The following STS variants were observed in gnomAD, a reference collection of about 807,000 sequenced individuals.
STS encodes steroid sulfatase.
STS carries 7 observed loss-of-function variants against 26.8 expected under a neutral mutation model. That is an observed-to-expected ratio of 0.26 (90% CI 0.15 to 0.49). The LOEUF (loss-of-function observed/expected upper bound fraction) is 0.49. Among genes scored for constraint, STS ranks in the 20% least tolerant of loss-of-function variants. The pLI, the probability that STS is intolerant of heterozygous loss-of-function variation, is 0.98. For synonymous variants in STS, 199 were observed against 189.4 expected (o/e 1.05, Z -0.42); for missense variants, 434 against 465.6 (o/e 0.93, Z 0.63).
chrX:7,184,647 G>A (rs1285760733), intron 1 of STS, among the ~76,000 whole-genome samples: 3 of 111,738 alleles, frequency 2.7e-5, no homozygotes, highest in Admixed American at 9.5e-5. Context: ...TGAGAGCCAG[G>A]TGTTTTCTGG....
intron 2 of STS, among the ~76,000 whole-genome samples, chrX:7,225,473 C>G (rs1921759029): frequency 8.9e-6 from 1 of 111,784 alleles, no homozygotes; most frequent in Non-Finnish European, 1.9e-5. Flanking sequence ...ACGGGACATA[C>G]TTAACTCCTC....
In STS at chrX:7,325,512, A is replaced by G; in HGVS notation, c.1241+14A>G. The G allele has an allele frequency of 1.7e-6, 2 of 1,210,279 alleles. No homozygotes were observed. The highest frequency in any genetic ancestry group is 2.2e-6 in the Non-Finnish European group (2 of 894,910). On this transcript the variant is annotated intron_variant, in intron 9 of 10. Coordinates refer to ENST00000674429, the MANE Select transcript of STS (RefSeq NM_001320752.2). ...GCCTGAGGACAGGTACTCTGATGCC[A>G]GGGTGGTTGGTATTGTTGAGCTCTG... is the stretch of plus-strand genomic sequence containing the variant.
At chrX:7,204,632 C>G (rs1421090598) in intron 2 of STS, among the ~76,000 whole-genome samples, 3 of 102,913 alleles carry the variant, frequency 2.9e-5, no homozygotes, top group Admixed American at 1.1e-4. Flanking sequence ...TCTTCCCTCC[C>G]TCTCTTCCTT....
At chrX:7,250,806 T>C (rs1923104033) in intron 2 of STS, among the ~76,000 whole-genome samples, 1 of 111,998 alleles carries the variant, frequency 8.9e-6, no homozygotes, top group Non-Finnish European at 1.9e-5. Flanking sequence ...TAAGCATTCA[T>C]TCAGTATTTA....
intron 2 of STS, among the ~76,000 whole-genome samples, chrX:7,236,967 A>G (rs1922342484): frequency 9.1e-6 from 1 of 110,303 alleles, no homozygotes; most frequent in African/African-American, 3.3e-5. Flanking sequence ...TTAAAATTGC[A>G]TGTTAAAGGA....
chrX:7,233,275 G>T (rs1601672305), intron 2 of STS, among the ~76,000 whole-genome samples: 1 of 109,262 alleles, frequency 9.2e-6, no homozygotes, highest in Non-Finnish European at 1.9e-5. Context: ...TGTATTTTTA[G>T]TAGAGATGGG....
intron 7 of STS, among the ~76,000 whole-genome samples, chrX:7,301,270 T>A (rs1925953368): frequency 1.8e-5 from 2 of 109,241 alleles, no homozygotes; most frequent in South Asian, 8.0e-4. Flanking sequence ...TACTCACCTG[T>A]AGTCCCAGCT....
At chrX:7,209,723 G>A (rs1920983951) in intron 2 of STS, among the ~76,000 whole-genome samples, 1 of 108,082 alleles carries the variant, frequency 9.3e-6, no homozygotes, top group Non-Finnish European at 1.9e-5. Context: ...TAGGATACAT[G>A]TGCCATGGTG....
At chrX:7,148,706 A>G in intron 1 of STS, among the ~76,000 whole-genome samples, 1 of 111,666 alleles carries the variant, frequency 9.0e-6, no homozygotes, top group African/African-American at 3.3e-5. Flanking sequence ...CGCGACTTGA[A>G]CCGGCAGCCG....
intron 8 of STS, among the ~76,000 whole-genome samples, chrX:7,309,271 C>T (rs1026583971): frequency 1.8e-5 from 2 of 111,245 alleles, no homozygotes; most frequent in Admixed American, 9.6e-5. Context: ...TATTATCCTT[C>T]GCAAACTAAT....
chrX:7,181,859 G>T (rs1933687583), intron 1 of STS, among the ~76,000 whole-genome samples: 1 of 112,029 alleles, frequency 8.9e-6, no homozygotes, highest in African/African-American at 3.2e-5. Context: ...GCTAAGGTGG[G>T]TGGATCCCTT....
chrX:7,257,872 G>A (rs1938034077), intron 5 of STS, among the ~76,000 whole-genome samples: 1 of 110,934 alleles, frequency 9.0e-6, no homozygotes, highest in South Asian at 3.7e-4. Flanking sequence ...AGATACTTAG[G>A]TTATACCTAA....
At chrX:7,159,883 C>T (rs1933207752) in intron 1 of STS, among the ~76,000 whole-genome samples, 1 of 111,881 alleles carries the variant, frequency 8.9e-6, no homozygotes, top group Non-Finnish European at 1.9e-5. Context: ...CAATGATGCT[C>T]CAATATAACT....
intron 7 of STS, among the ~76,000 whole-genome samples, chrX:7,292,192 A>G (rs1925454176): frequency 8.9e-6 from 1 of 112,975 alleles, no homozygotes; most frequent in Non-Finnish European, 1.9e-5. Context: ...TTGGAAACAG[A>G]GAGAATTGCC....
intron 6 of STS, among the ~76,000 whole-genome samples, chrX:7,261,470 G>T (rs1439032268): frequency 1.8e-5 from 2 of 112,137 alleles, no homozygotes. Flanking sequence ...AAGGTATGTG[G>T]AAGCTACATA....
intron 1 of STS, among the ~76,000 whole-genome samples, chrX:7,162,766 G>T (rs766906937): frequency 6.5e-5 from 7 of 107,676 alleles, no homozygotes; most frequent in Non-Finnish European, 1.2e-4. Flanking sequence ...TGTAAGACTG[G>T]CCGGGCGCAG....
chrX:7,348,899 C>T (rs1222894345), intron 10 of STS, among the ~76,000 whole-genome samples: 1 of 111,780 alleles, frequency 8.9e-6, no homozygotes, highest in Non-Finnish European at 1.9e-5. Flanking sequence ...TTTCCATTCC[C>T]CATTTGTAAT....
chrX:7,322,390 T>TTCTCTC (rs536562385), intron 8 of STS, among the ~76,000 whole-genome samples: 1 of 110,504 alleles, frequency 9.0e-6, no homozygotes, highest in African/African-American at 3.3e-5. Context: ...TCAATGCAGA[T>TTCTCTC]TCTCTCTCTC....
At chrX:7,189,710 A>G (rs866833522) in intron 1 of STS, among the ~76,000 whole-genome samples, 1 of 112,247 alleles carries the variant, frequency 8.9e-6, no homozygotes, top group Non-Finnish European at 1.9e-5. Context: ...AACAAATGAG[A>G]TGTGGTCTCT....
Sources: gnomAD v4.1 joint callset for allele counts (sites outside exome capture counted in the v4.1 genomes callset) on GRCh38, gnomAD v4.1.1 for gene constraint, MANE v1.5 for transcripts, NCBI Gene and HGNC (gene_info 2026-07-23, HGNC 2026-07-21) for gene names.